Variants in HIP1 observed in about 807,000 individuals in gnomAD.
HIP1 encodes the protein huntingtin-interacting protein 1.
A neutral mutation model predicts 147.6 loss-of-function variants in HIP1; 65 were observed. The observed-to-expected ratio is 0.44, with a 90% CI of 0.36 to 0.54. The LOEUF (loss-of-function observed/expected upper bound fraction) is 0.54. HIP1 is among the 20% of genes least tolerant of loss of function. The pLI is 0.00. For synonymous variants in HIP1, 479 were observed against 504.0 expected (o/e 0.95, Z 0.67); for missense variants, 1,061 against 1,299.6 (o/e 0.82, Z 2.82).
At chr7:75,611,178 C>T (rs1306455250) in intron 1 of HIP1, among the ~76,000 whole-genome samples, 2 of 151,098 alleles carry the variant, frequency 1.3e-5, no homozygotes, top group African/African-American at 4.9e-5. Flanking sequence ...AGAAAGAGTC[C>T]CAGGTACGCC....
In HIP1 at chr7:75,599,261, AG is replaced by A. The variant is rs781804485; in HGVS notation, c.121-15del. The A allele has an allele frequency of 1.9e-6, 3 of 1,600,268 alleles. No individual in the cohort carries two copies. Among genetic ancestry groups the A allele is most frequent in the Non-Finnish European group, 2.6e-6 (3 of 1,167,372 alleles). ...GATGCTGACAGTCTGAAAAACAAGA[AG>A]GGGGGAGGGAAAGGAGGATGAGATG... On this transcript the variant is annotated splice_polypyrimidine_tract_variant and intron_variant, in intron 1 of 30. Transcript: ENST00000336926.
intron 1 of HIP1, chr7:75,611,850 G>C: frequency 2.9e-6 from 3 of 1,023,854 alleles, no homozygotes; most frequent in Non-Finnish European, 3.5e-6. Context: ...TTACCAGCAG[G>C]CACCGCAGGA....
At chr7:75,645,146 C>A (rs782694482) in intron 1 of HIP1, among the ~76,000 whole-genome samples, 5 of 152,102 alleles carry the variant, frequency 3.3e-5, no homozygotes, top group African/African-American at 1.2e-4. Flanking sequence ...ACATTGATCA[C>A]GTTCTTAGCA....
At chr7:75,630,229 C>T (rs1050472755) in intron 1 of HIP1, among the ~76,000 whole-genome samples, 1 of 151,940 alleles carries the variant, frequency 6.6e-6, no homozygotes. Context: ...GAGACCAAGG[C>T]GGGCATATCT....
At chr7:75,639,590 T>TGTGTGTGTGTGTGTGC (rs533751823) in intron 1 of HIP1, among the ~76,000 whole-genome samples, 74 of 150,126 alleles carry the variant, frequency 4.9e-4, no homozygotes, top group African/African-American at 1.7e-3. Context: ...TGTGTGTGTG[T>TGTGTGTGTGTGTGTGC]GTGCGCCCGC....
At chr7:75,698,600 T>C (rs893863466) in intron 1 of HIP1, among the ~76,000 whole-genome samples, 1 of 152,122 alleles carries the variant, frequency 6.6e-6, no homozygotes, top group Non-Finnish European at 1.5e-5. Context: ...GGAGGATCAC[T>C]TGAGGCCAAG....
At chr7:75,553,320 TAAC>T (rs1198543231) in intron 22 of HIP1, 130 bp downstream of exon 22, 1 of 1,207,918 alleles carries the variant, frequency 8.3e-7, no homozygotes, top group Non-Finnish European at 1.2e-6. Context: ...TTTCCAATTT[TAAC>T]AATCTCTTTC....
chr7:75,582,713 G>T (rs1338514814), intron 5 of HIP1, among the ~76,000 whole-genome samples: 4 of 152,160 alleles, frequency 2.6e-5, no homozygotes, highest in African/African-American at 9.7e-5. Flanking sequence ...GGGAGGTTGA[G>T]GCAGAATTGC....
At chr7:75,675,764 A>G (rs929212300) in intron 1 of HIP1, among the ~76,000 whole-genome samples, 3 of 152,228 alleles carry the variant, frequency 2.0e-5, no homozygotes, top group South Asian at 2.1e-4. Flanking sequence ...GAATAACTTA[A>G]GGCCAGGAGT....
chr7:75,663,926 GTA>G (rs557729718), intron 1 of HIP1, among the ~76,000 whole-genome samples: 58 of 85,612 alleles, frequency 6.8e-4, no homozygotes, highest in African/African-American at 1.8e-3. Flanking sequence ...ATTATTTTAT[GTA>G]TGTGTGTATA....
At chr7:75,727,632 G>A (rs1801692884) in intron 1 of HIP1, among the ~76,000 whole-genome samples, 1 of 151,956 alleles carries the variant, frequency 6.6e-6, no homozygotes, top group African/African-American at 2.4e-5. Context: ...GATCACCTGA[G>A]GTCAGGAGTT....
chr7:75,719,377 A>G (rs549768124), intron 1 of HIP1, among the ~76,000 whole-genome samples: 34 of 151,916 alleles, frequency 2.2e-4, no homozygotes, highest in South Asian at 4.2e-4. Flanking sequence ...GGTGGCAGGC[A>G]CCTATAGTCC....
At chr7:75,547,685 G>T in intron 24 of HIP1, 70 bp downstream of exon 24, 1 of 1,300,986 alleles carries the variant, frequency 7.7e-7, no homozygotes, top group Non-Finnish European at 1.1e-6. Flanking sequence ...TAATAAGTAT[G>T]CAAAGTATAG....
At chr7:75,593,839 TC>T (rs1796587589) in intron 2 of HIP1, among the ~76,000 whole-genome samples, 1 of 151,916 alleles carries the variant, frequency 6.6e-6, no homozygotes. Context: ...CCCCACTTCT[TC>T]CGTAAACCCA....
chr7:75,629,976 T>C (rs1329528041), intron 1 of HIP1, among the ~76,000 whole-genome samples: 2 of 152,044 alleles, frequency 1.3e-5, no homozygotes, highest in Non-Finnish European at 2.9e-5. Context: ...CAGGGAAACA[T>C]AGCAAAATCC....
At chr7:75,544,149 G>T (rs1263108119) in intron 27 of HIP1, among the ~76,000 whole-genome samples, 1 of 144,556 alleles carries the variant, frequency 6.9e-6, no homozygotes, top group Non-Finnish European at 1.5e-5. Context: ...TCCAGCCTGG[G>T]TGACAGAGCA....
chr7:75,608,858 G>A (rs1379039062), intron 1 of HIP1, among the ~76,000 whole-genome samples: 1 of 152,094 alleles, frequency 6.6e-6, no homozygotes, highest in Non-Finnish European at 1.5e-5. Flanking sequence ...GATGACGGAG[G>A]GCTCTGGATA....
chr7:75,562,401 G>A (rs1268420445), intron 11 of HIP1, among the ~76,000 whole-genome samples: 2 of 152,062 alleles, frequency 1.3e-5, no homozygotes, highest in Non-Finnish European at 2.9e-5. Flanking sequence ...TGATCCTCCT[G>A]TTTCAGCCTC....
chr7:75,726,549 G>T (rs572388878), intron 1 of HIP1, among the ~76,000 whole-genome samples: 22 of 152,126 alleles, frequency 1.4e-4, no homozygotes, highest in African/African-American at 5.3e-4. Context: ...TCCAAAAAGT[G>T]CTGGGATTAC....
Sources: gnomAD v4.1 joint callset for allele counts (sites outside exome capture counted in the v4.1 genomes callset) on GRCh38, gnomAD v4.1.1 for gene constraint, MANE v1.5 for transcripts, NCBI Gene and HGNC (gene_info 2026-07-23, HGNC 2026-07-21) for gene names.